KCNJ3: variants seen among roughly 807,000 people sequenced by gnomAD.
The protein encoded by KCNJ3 is G protein-activated inward rectifier potassium channel 1.
Under a neutral mutation model 39.2 loss-of-function variants are expected in KCNJ3, and 4 were observed. That is an observed-to-expected ratio of 0.10 (90% CI 0.05 to 0.23). The LOEUF (loss-of-function observed/expected upper bound fraction) is 0.23. Among genes scored for constraint, KCNJ3 ranks in the 10% least tolerant of loss-of-function variants. KCNJ3 has a pLI of 1.00. For synonymous variants in KCNJ3, 230 were observed against 237.4 expected (o/e 0.97, Z 0.29); for missense variants, 276 against 634.9 (o/e 0.43, Z 6.08).
At chr2:154,775,605 A>C (rs1686319635) in intron 2 of KCNJ3, among the ~76,000 whole-genome samples, 1 of 152,226 alleles carries the variant, frequency 6.6e-6, no homozygotes, top group Non-Finnish European at 1.5e-5. Flanking sequence ...AAAAAAATCA[A>C]ATAATACCAT....
intron 2 of KCNJ3, among the ~76,000 whole-genome samples, chr2:154,733,911 TG>T (rs1039646700): frequency 1.3e-5 from 2 of 152,088 alleles, no homozygotes; most frequent in African/African-American, 4.8e-5. Context: ...TTGTTGGTGT[TG>T]GGGTTTGGTG....
intron 2 of KCNJ3, among the ~76,000 whole-genome samples, chr2:154,763,547 T>C (rs574205978): frequency 2.6e-5 from 4 of 152,144 alleles, no homozygotes; most frequent in Non-Finnish European, 4.4e-5. Flanking sequence ...AGAGAAAGAT[T>C]TGGAAGTAGG....
intron 2 of KCNJ3, among the ~76,000 whole-genome samples, chr2:154,833,963 G>A (rs937849610): frequency 5.9e-5 from 9 of 152,024 alleles, no homozygotes; most frequent in Non-Finnish European, 1.2e-4. Context: ...CCAAGTTTGG[G>A]CAATTATAAA....
intron 2 of KCNJ3, among the ~76,000 whole-genome samples, chr2:154,731,639 T>C (rs564400483): frequency 6.6e-6 from 1 of 152,148 alleles, no homozygotes; most frequent in East Asian, 1.9e-4. Context: ...TATCTATGTA[T>C]TGCTGTCTTA....
chr2:154,739,537 C>T (rs1394575236), intron 2 of KCNJ3, among the ~76,000 whole-genome samples: 1 of 152,064 alleles, frequency 6.6e-6, no homozygotes, highest in Non-Finnish European at 1.5e-5. Context: ...CATCCTTCTT[C>T]ACCTTCGTTT....
At chr2:154,816,239 C>G (rs1687081865) in intron 2 of KCNJ3, among the ~76,000 whole-genome samples, 1 of 151,960 alleles carries the variant, frequency 6.6e-6, no homozygotes, top group South Asian at 2.1e-4. Context: ...TTAAAAATGC[C>G]TTACACAATA....
At chr2:154,746,334 G>A (rs983245741) in intron 2 of KCNJ3, among the ~76,000 whole-genome samples, 1 of 151,796 alleles carries the variant, frequency 6.6e-6, no homozygotes, top group African/African-American at 2.4e-5. Context: ...TGCATGGTAA[G>A]TTGGCACCCC....
chr2:154,814,254 A>G (rs930238372), intron 2 of KCNJ3, among the ~76,000 whole-genome samples: 2 of 152,224 alleles, frequency 1.3e-5, no homozygotes, highest in Non-Finnish European at 2.9e-5. Context: ...AATACTATAA[A>G]TAACTAGCAA....
intron 2 of KCNJ3, among the ~76,000 whole-genome samples, chr2:154,811,358 G>T (rs1687005000): frequency 6.6e-6 from 1 of 152,088 alleles, no homozygotes; most frequent in Admixed American, 6.5e-5. Flanking sequence ...ACCTCCTCAG[G>T]AAAGATAAGT....
At chr2:154,748,402 C>T (rs559911600) in intron 2 of KCNJ3, among the ~76,000 whole-genome samples, 1 of 152,092 alleles carries the variant, frequency 6.6e-6, no homozygotes, top group Admixed American at 6.6e-5. Context: ...CTTCCTTGTT[C>T]CCTTTAATAA....
intron 2 of KCNJ3, among the ~76,000 whole-genome samples, chr2:154,839,332 C>G (rs1313800201): frequency 6.6e-6 from 1 of 152,176 alleles, no homozygotes; most frequent in Non-Finnish European, 1.5e-5. Flanking sequence ...TCCAGTCTAT[C>G]ATTGATGGAC....
chr2:154,817,615 C>A (rs923420448), intron 2 of KCNJ3, among the ~76,000 whole-genome samples: 2 of 152,162 alleles, frequency 1.3e-5, no homozygotes, highest in South Asian at 4.2e-4. Flanking sequence ...TACCTCCCCT[C>A]TCTTTCTCTT....
At chr2:154,783,953 T>C (rs1331764770) in intron 2 of KCNJ3, among the ~76,000 whole-genome samples, 2 of 152,204 alleles carry the variant, frequency 1.3e-5, no homozygotes, top group African/African-American at 2.4e-5. Flanking sequence ...AATAGAGAAT[T>C]GATTCATAAA....
At chr2:154,830,333 A>G (rs1349002306) in intron 2 of KCNJ3, among the ~76,000 whole-genome samples, 2 of 152,140 alleles carry the variant, frequency 1.3e-5, no homozygotes, top group Admixed American at 6.5e-5. Context: ...TTTTGTTCTC[A>G]TATTCCTGAA....
intron 2 of KCNJ3, among the ~76,000 whole-genome samples, chr2:154,773,821 G>A (rs754155829): frequency 7.9e-5 from 12 of 152,052 alleles, no homozygotes; most frequent in Non-Finnish European, 1.3e-4. Context: ...ACATTGTGTA[G>A]TCATTATGAG....
intron 2 of KCNJ3, among the ~76,000 whole-genome samples, chr2:154,761,406 G>A (rs1368928938): frequency 6.6e-6 from 1 of 152,026 alleles, no homozygotes; most frequent in Non-Finnish European, 1.5e-5. Context: ...TATCTTGTGG[G>A]CATATGCCCC....
intron 2 of KCNJ3, among the ~76,000 whole-genome samples, chr2:154,735,100 T>TGTGTGC (rs1685505302): frequency 1.3e-5 from 2 of 151,916 alleles, no homozygotes; most frequent in Non-Finnish European, 2.9e-5. Context: ...TGTGTGTGTG[T>TGTGTGC]GTTTGAGACG....
intron 2 of KCNJ3, among the ~76,000 whole-genome samples, chr2:154,778,245 T>A (rs751662648): frequency 1.3e-5 from 2 of 152,114 alleles, no homozygotes; most frequent in Non-Finnish European, 2.9e-5. Context: ...GAAAAAAAAA[T>A]TTCTGAAAAA....
intron 2 of KCNJ3, among the ~76,000 whole-genome samples, chr2:154,711,473 A>G (rs762764178): frequency 5.9e-5 from 9 of 152,108 alleles, no homozygotes; most frequent in Non-Finnish European, 1.2e-4. Context: ...TATTAGATCT[A>G]TCTATCTACT....
Sources: allele counts gnomAD v4.1 joint callset (sites outside exome capture counted in the v4.1 genomes callset), GRCh38; gene constraint gnomAD v4.1.1; transcripts MANE v1.5; gene names NCBI Gene and HGNC (gene_info 2026-07-23, HGNC 2026-07-21).